COBL: variants seen among roughly 807,000 people sequenced by gnomAD.
The protein encoded by COBL is protein cordon-bleu.
A neutral mutation model predicts 98.8 loss-of-function variants in COBL; 51 were observed. The observed-to-expected ratio is 0.52, with a 90% CI of 0.41 to 0.65. The LOEUF is 0.65. Among genes scored for constraint, COBL ranks in the 30% least tolerant of loss-of-function variants. The pLI, the probability that COBL is intolerant of heterozygous loss-of-function variation, is 0.00. For missense variants in COBL, 1,617 were observed against 1,617.5 expected, an observed-to-expected ratio of 1.00 and a Z score of 0.01; for synonymous variants, 634 against 651.7, an observed-to-expected ratio of 0.97 and a Z score of 0.41.
intron 6 of COBL, among the ~76,000 whole-genome samples, chr7:51,112,386 G>C (rs1190016127): frequency 6.6e-6 from 1 of 151,930 alleles, no homozygotes; most frequent in East Asian, 1.9e-4. Flanking sequence ...AAAATATATA[G>C]TTTATGATTA....
chr7:51,193,678 T>C (rs1790334047), intron 2 of COBL, 89 bp from the exon 3 acceptor site: 6 of 1,161,756 alleles, frequency 5.2e-6, no homozygotes, highest in Middle Eastern at 4.2e-4. Context: ...AATGAACAAG[T>C]GGATGAATGA....
At chr7:51,105,808 A>T (rs1444644490) in intron 6 of COBL, among the ~76,000 whole-genome samples, 1 of 152,042 alleles carries the variant, frequency 6.6e-6, no homozygotes, top group East Asian at 1.9e-4. Context: ...GAGGCCTGGG[A>T]AAACAAGGCT....
At chr7:51,303,704 C>T (rs1802206328) in intron 1 of COBL, among the ~76,000 whole-genome samples, 1 of 152,202 alleles carries the variant, frequency 6.6e-6, no homozygotes, top group Admixed American at 6.5e-5. Context: ...CAAAATTCAG[C>T]TTATCTGCTG....
intron 5 of COBL, among the ~76,000 whole-genome samples, chr7:51,158,499 G>A (rs191360892): frequency 6.6e-6 from 1 of 152,234 alleles, no homozygotes; most frequent in Non-Finnish European, 1.5e-5. Context: ...TCAAGAAAAT[G>A]TGACAACCCT....
rs1241041273 is a variant in COBL at position 51,028,490 on chromosome 7, G to C, written c.2606C>G (p.Ala869Gly). ...PQRRTSSQYVASAIAKRIGAP... is the reference protein window; with the variant it reads ...PQRRTSSQYVGSAIAKRIGAP... Reference sequence around the variant, plus strand: ...TCCTATGCGCTTGGCAATGGCAGAGGCCACATACTGGCTGGACGTTCTTCT... The same window carrying C: ...TCCTATGCGCTTGGCAATGGCAGAGCCCACATACTGGCTGGACGTTCTTCT... Residue 869 changes from alanine to glycine, a missense_variant, in exon 10 of 13, where the codon GCC becomes GGC. Transcript: ENST00000265136. 6.2e-7 allele frequency: 1 copy of C among 1,614,266 alleles called. No individual in the cohort carries two copies. The highest frequency in any genetic ancestry group is 2.2e-5 in the East Asian group (1 of 44,878).
chr7:51,198,111 T>C (rs770703785), intron 2 of COBL, among the ~76,000 whole-genome samples: 1 of 152,226 alleles, frequency 6.6e-6, no homozygotes, highest in Non-Finnish European at 1.5e-5. Flanking sequence ...ATAGTGTCAG[T>C]AGTCTGTGTA....
intron 1 of COBL, among the ~76,000 whole-genome samples, chr7:51,223,516 C>G (rs1160100751): frequency 6.6e-6 from 1 of 152,184 alleles, no homozygotes; most frequent in Non-Finnish European, 1.5e-5. Context: ...TCCAGAGAGT[C>G]TGAAGATCTC....
At chr7:51,306,051 G>A (rs990695335) in intron 1 of COBL, among the ~76,000 whole-genome samples, 9 of 151,874 alleles carry the variant, frequency 5.9e-5, no homozygotes, top group Non-Finnish European at 1.2e-4. Flanking sequence ...GGCGGGGGTG[G>A]GGGCAAACAT....
At chr7:51,168,883 T>G (rs1243634080) in intron 5 of COBL, among the ~76,000 whole-genome samples, 2 of 152,160 alleles carry the variant, frequency 1.3e-5, no homozygotes, top group African/African-American at 4.8e-5. Flanking sequence ...GATGAATGGA[T>G]AAAGAAAATG....
At chr7:51,267,566 A>G (rs1184312033) in intron 1 of COBL, among the ~76,000 whole-genome samples, 1 of 152,138 alleles carries the variant, frequency 6.6e-6, no homozygotes, top group East Asian at 1.9e-4. Flanking sequence ...TACACACAAA[A>G]AAAGAACTTT....
intron 1 of COBL, among the ~76,000 whole-genome samples, chr7:51,225,036 G>C (rs1794049823): frequency 6.6e-6 from 1 of 152,156 alleles, no homozygotes; most frequent in African/African-American, 2.4e-5. Context: ...CTGTGCACGT[G>C]GATGGCCTGC....
intron 6 of COBL, among the ~76,000 whole-genome samples, chr7:51,114,515 G>C (rs1260938812): frequency 2.2e-4 from 34 of 152,110 alleles, no homozygotes; most frequent in Non-Finnish European, 4.4e-5. Flanking sequence ...TCCTAATACT[G>C]TTTCTATAAG....
chr7:51,216,499 T>G (rs1025439641), intron 2 of COBL, among the ~76,000 whole-genome samples: 7 of 152,184 alleles, frequency 4.6e-5, no homozygotes, highest in African/African-American at 1.7e-4. Flanking sequence ...GTGCCTCAAT[T>G]AAAATGATGG....
At position 51,269,063 on chromosome 7, in the gene COBL, C is replaced by T. The variant is rs117217462; in HGVS notation, c.41+47530G>A. On this transcript the variant is annotated intron_variant, in intron 1 of 12. Transcript: ENST00000265136. ...TGATGGAGGGAGGCCAGCCAGAAGG[C>T]GCCAGCACCCAGCCACCCGCTGCAG... Among the ~76,000 whole-genome samples, 1,169 of 152,004 alleles carry T rather than the reference C, an allele frequency of 7.7e-3. 59 individuals are homozygous for T. In the South Asian group the frequency reaches 0.13, roughly 17 times the overall value.
intron 2 of COBL, among the ~76,000 whole-genome samples, chr7:51,201,215 G>C (rs1158124282): frequency 6.7e-6 from 1 of 150,040 alleles, no homozygotes; most frequent in Non-Finnish European, 1.5e-5. Flanking sequence ...ACTCCAGCCT[G>C]GGTGACAGAG....
chr7:51,137,715 A>G lies in COBL; in HGVS notation c.784-1384T>C, dbSNP rs1799374329. Among the ~76,000 whole-genome samples the G allele has an allele frequency of 2.0e-5, 3 of 152,192 alleles. No homozygotes were observed. The South Asian group carries it at 6.2e-4, about 32-fold the overall frequency. ...TGTGAACTCAATGAAGACAGTAATT[A>G]TCACTGATTTTTACTGAGAACTGTA... On this transcript the variant is annotated intron_variant, in intron 5 of 12. Transcript: ENST00000265136.
chr7:51,021,487 C>T (rs1007698639), intron 12 of COBL, among the ~76,000 whole-genome samples: 1 of 152,102 alleles, frequency 6.6e-6, no homozygotes, highest in African/African-American at 2.4e-5. Flanking sequence ...CGTGCCACCA[C>T]ACCTGGCTCA....
At chr7:51,245,742 C>T (rs887362443) in intron 1 of COBL, among the ~76,000 whole-genome samples, 6 of 152,266 alleles carry the variant, frequency 3.9e-5, no homozygotes, top group African/African-American at 1.4e-4. Context: ...AAGATAGACA[C>T]AACTGTTTAG....
In COBL at chr7:51,203,445, G is replaced by A. The variant is rs1584156637; in HGVS notation, c.246-9856C>T. Among the ~76,000 whole-genome samples the A allele has an allele frequency of 3.2e-5, 3 of 92,580 alleles. 1 individual carries two copies. The highest frequency in any genetic ancestry group is 1.7e-4 in the African/African-American group (3 of 17,670). 60.7% of individuals were successfully genotyped at this position (92,580 alleles called of 152,430 possible). A position where few individuals can be genotyped will look rare whatever the true frequency, so the allele number is the denominator to read the frequency against. On this transcript the variant is annotated intron_variant, in intron 2 of 12. Coordinates refer to ENST00000265136, the MANE Select transcript of COBL (RefSeq NM_015198.5). ...CCACTGCACTCCAGCCTGGGCGACAGAGCGAGACTCCGTCTCAAAAAAAAA... is the reference window on the plus strand; with the variant it reads ...CCACTGCACTCCAGCCTGGGCGACAAAGCGAGACTCCGTCTCAAAAAAAAA...
Sources: allele counts gnomAD v4.1 joint callset (sites outside exome capture counted in the v4.1 genomes callset), GRCh38; gene constraint gnomAD v4.1.1; transcripts MANE v1.5; gene names NCBI Gene and HGNC (gene_info 2026-07-23, HGNC 2026-07-21).